P3H3: variants seen among roughly 807,000 people sequenced by gnomAD.
P3H3 encodes the protein prolyl 3-hydroxylase 3, also known as gene rich cluster, B.
Under a neutral mutation model 78.1 loss-of-function variants are expected in P3H3, and 64 were observed. The observed-to-expected ratio is 0.82, with a 90% CI of 0.67 to 1.01. The LOEUF (loss-of-function observed/expected upper bound fraction) is 1.01. P3H3 is among the 50% of genes least tolerant of loss of function. The probability of loss-of-function intolerance (pLI) is 0.00; values close to 1 mark genes in which losing one functional copy is unlikely to be tolerated. For synonymous variants in P3H3, 425 were observed against 416.7 expected (o/e 1.02, Z -0.24); for missense variants, 975 against 982.2 (o/e 0.99, Z 0.10).
In P3H3 at chr12:6,830,551, G is replaced by T. The variant is rs782745900; in HGVS notation, c.850G>T (p.Ala284Ser). The T allele has an allele frequency of 1.9e-6, 3 of 1,573,182 alleles. No individual in the cohort carries two copies. The highest frequency in any genetic ancestry group is 2.7e-5 in the African/African-American group (2 of 73,918). The change falls in exon 3 of 15, where the codon GCA (alanine) becomes TCA (serine). Residue 284 changes from alanine to serine, a missense_variant. By Grantham distance (99) the Ala-to-Ser change is moderately conservative. Coordinates refer to ENST00000290510, the MANE Select transcript of P3H3 (RefSeq NM_014262.5). ...CCAGGGGGGCCTCTATGAGGCCATTGCAGGTAAGGGTCCCGTGTGTGAGGG... is the reference window on the plus strand; with the variant it reads ...CCAGGGGGGCCTCTATGAGGCCATTTCAGGTAAGGGTCCCGTGTGTGAGGG... The part of the protein sequence containing the change: ...ASQGGLYEAI[A>S]GHWIQVLQCR...
Position 6,837,850 on chromosome 12 carries a change from G to A in P3H3, c.1829+1G>A. 6.2e-7 allele frequency: 1 copy of A among 1,607,986 alleles called. No individual in the cohort carries two copies. Among genetic ancestry groups the A allele is most frequent in the Non-Finnish European group, 8.5e-7 (1 of 1,177,316 alleles). ...CAGCCTACACCTATCGGGACTACAG[G>A]TGGGCAGCCCCTCTAGTGGTCAGGC... On this transcript the variant is annotated splice_donor_variant, in intron 12 of 14. Transcript: ENST00000290510. LOFTEE classifies it high-confidence loss of function.
chr12:6,838,423 A>G (rs1943523681), intron 13 of P3H3, among the ~76,000 whole-genome samples: 1 of 152,198 alleles, frequency 6.6e-6, no homozygotes, highest in Admixed American at 6.5e-5. Context: ...TCTGAGGTTT[A>G]GTTTCCTAGA....
chr12:6,836,945 G>A, intron 9 of P3H3, 40 bp from the exon 10 acceptor site: 1 of 1,489,432 alleles, frequency 6.7e-7, no homozygotes, highest in Non-Finnish European at 9.3e-7. Context: ...ACAGTGAGGG[G>A]CTGGGGGAGT....
At position 6,833,759 on chromosome 12, in the gene P3H3, G is replaced by A. The variant is rs782726082; in HGVS notation, c.1283G>A (p.Arg428Lys). Reference sequence around the variant, plus strand: ...CCCCTGAGAGAGGATCAAGAGAAGAGGCCTTGGGACCATGAGCCCGTGAAG... The same window carrying A: ...CCCCTGAGAGAGGATCAAGAGAAGAAGCCTTGGGACCATGAGCCCGTGAAG... ...REKLREDQEK[R>K]PWDHEPVKPK... The change falls in exon 8 of 15, where the codon AGG becomes AAG. Residue 428 changes from arginine (R) to lysine (K), a missense_variant. Coordinates refer to ENST00000290510, the MANE Select transcript of P3H3 (RefSeq NM_014262.5). 1 of 1,610,768 alleles carries A rather than the reference G, an allele frequency of 6.2e-7. No homozygotes were observed. Among genetic ancestry groups the A allele is most frequent in the Non-Finnish European group, 8.5e-7 (1 of 1,176,972 alleles).
Position 6,837,043 on chromosome 12 carries a change from C to A in P3H3, c.1517C>A (p.Pro506His). 2 of 1,608,102 alleles carry A rather than the reference C, an allele frequency of 1.2e-6. No homozygotes were observed. Among genetic ancestry groups the A allele is most frequent in the Middle Eastern group, 1.7e-4 (1 of 6,060 alleles). The stretch of plus-strand genomic sequence containing the variant: ...CGTGGTCGCCGCTCCCCTCACACCC[C>A]CCATGAACGCTTCGAGGGGCTCACG... ...GYRGRRSPHT[P>H]HERFEGLTVL... The change falls in exon 10 of 15, where the codon CCC (proline) becomes CAC (histidine). Residue 506 changes from proline (P) to histidine (H), a missense_variant. Physicochemically the swap from Pro to His is moderately conservative, Grantham distance 77. Transcript: ENST00000290510.
chr12:6,831,273 A>T lies in P3H3; in HGVS notation c.1043A>T (p.Glu348Val). The T allele has an allele frequency of 1.2e-6, 2 of 1,613,806 alleles. No homozygotes were observed. The highest frequency in any genetic ancestry group is 1.7e-6 in the Non-Finnish European group (2 of 1,179,818). ...NVLSVLLFYP[E>V]DEAAKRALNQ... ...CTGAGTGTCCTGCTCTTCTACCCGG[A>T]GGATGAGGCTGCCAAGAGGGCTCTG... is the stretch of plus-strand genomic sequence containing the variant. The change falls in exon 5 of 15, where the codon GAG becomes GTG. Residue 348 changes from glutamate to valine, a missense_variant. Transcript: ENST00000290510. The surrounding 1 kb of genome is among the most constrained non-coding windows in gnomAD (Gnocchi z 4.6).
chr12:6,832,929 G>A (rs781982185), intron 6 of P3H3, among the ~76,000 whole-genome samples: 1 of 148,084 alleles, frequency 6.8e-6, no homozygotes, highest in South Asian at 2.1e-4. Flanking sequence ...ACCTAACGCT[G>A]CTTTGGGAGG....
intron 9 of P3H3, among the ~76,000 whole-genome samples, chr12:6,834,377 A>T (rs1239184343): frequency 6.6e-6 from 1 of 152,328 alleles, no homozygotes; most frequent in East Asian, 1.9e-4. Flanking sequence ...CTCAGCAGAC[A>T]CGCAGGCCTT....
At chr12:6,838,169 C>T in intron 13 of P3H3, 136 bp downstream of exon 13, 1 of 1,149,494 alleles carries the variant, frequency 8.7e-7, no homozygotes, top group Non-Finnish European at 1.2e-6. Context: ...CCTCCGCAGC[C>T]CTCCCGCTGC....
chr12:6,830,696 G>A lies in P3H3; in HGVS notation c.911G>A (p.Arg304His), dbSNP rs375119481. 38 of 1,613,654 alleles carry A rather than the reference G, an allele frequency of 2.4e-5. No homozygotes were observed. The highest frequency in any genetic ancestry group is 3.1e-5 in the Non-Finnish European group (36 of 1,179,808). Reference protein sequence around the residue: ...RQRCVGETATRPGRSFPVPDF... With the variant: ...RQRCVGETATHPGRSFPVPDF... Reference sequence around the variant, plus strand: ...CGCTGTGTGGGGGAAACAGCCACACGCCCTGGTCGCAGCTTCCCTGTCCCA... The same window carrying A: ...CGCTGTGTGGGGGAAACAGCCACACACCCTGGTCGCAGCTTCCCTGTCCCA... Residue 304 changes from arginine to histidine, a missense_variant, in exon 4 of 15, where the codon CGC (arginine) becomes CAC (histidine). By Grantham distance (29) the Arg-to-His change is conservative (BLOSUM62 0). Transcript: ENST00000290510.
chr12:6,831,450 C>T lies in P3H3; in HGVS notation c.1122+98C>T, dbSNP rs1250760426. The T allele has an allele frequency of 2.2e-5, 33 of 1,510,854 alleles. No individual in the cohort carries two copies. The highest frequency in any genetic ancestry group is 1.7e-4 in the East Asian group (7 of 41,878). 93.6% of individuals were successfully genotyped at this position (1,510,854 alleles called of 1,614,324 possible). On this transcript the variant is annotated intron_variant, in intron 5 of 14. Transcript: ENST00000290510. The surrounding 1 kb of genome is among the most constrained non-coding windows in gnomAD (Gnocchi z 4.6). ...CCCCACCCCCCGCTGGCCTCTTACCCGAGCACTCTAGTCACCCAAAGGACT... is the reference window on the plus strand; with the variant it reads ...CCCCACCCCCCGCTGGCCTCTTACCTGAGCACTCTAGTCACCCAAAGGACT...
Position 6,830,780 on chromosome 12 carries a change from G to C in P3H3, c.985+10G>C, listed in dbSNP as rs1368751887. 6.2e-7 allele frequency: 1 copy of C among 1,613,924 alleles called. No homozygotes were observed. Among genetic ancestry groups the C allele is most frequent in the East Asian group, 2.2e-5 (1 of 44,892 alleles). On this transcript the variant is annotated intron_variant, in intron 4 of 14. Coordinates refer to ENST00000290510, the MANE Select transcript of P3H3 (RefSeq NM_014262.5). Reference sequence around the variant, plus strand: ...GAGGCCCATGCTCAGGGTCAGTTGGGGAAGGGTGGAAACGGGGAGTGAAGA... The same window carrying C: ...GAGGCCCATGCTCAGGGTCAGTTGGCGAAGGGTGGAAACGGGGAGTGAAGA...
At chr12:6,836,908 CGGAG>C in intron 9 of P3H3, 73 bp from the exon 10 acceptor site, 1 of 1,051,018 alleles carries the variant, frequency 9.5e-7, no homozygotes, top group Non-Finnish European at 1.4e-6. Flanking sequence ...GCGGGAGGGC[CGGAG>C]GGAGGGTCTT....
intron 13 of P3H3, among the ~76,000 whole-genome samples, chr12:6,838,772 G>A (rs1943527037): frequency 3.3e-5 from 5 of 152,190 alleles, no homozygotes; most frequent in Middle Eastern, 3.2e-3. Context: ...GAGACCATCC[G>A]TGGAGACCCC....
In P3H3 at chr12:6,837,501, CA is replaced by C; in HGVS notation, c.1640del (p.Gln547ArgfsTer23). The stretch of plus-strand genomic sequence containing the variant: ...GAGCGAGCGGGTGCGGACCTTGACC[CA>C]GGCCTACTTCTCCCCGGAACGGCCC... ...EVSERVRTLT[Q>X]AYFSPERPLH... On this transcript the variant is annotated frameshift_variant, in exon 11 of 15. Transcript: ENST00000290510. LOFTEE classifies it high-confidence loss of function. 2 of 1,611,834 alleles carry C rather than the reference CA, an allele frequency of 1.2e-6. No individual in the cohort carries two copies. Among genetic ancestry groups the C allele is most frequent in the Non-Finnish European group, 1.7e-6 (2 of 1,179,084 alleles).
At chr12:6,837,236 T>C (rs1943507512) in intron 10 of P3H3, 150 bp downstream of exon 10, 3 of 998,520 alleles carry the variant, frequency 3.0e-6, no homozygotes, top group African/African-American at 3.2e-5. Context: ...AAAAGGGATG[T>C]TCTGAGAGCT....
chr12:6,839,001 C>G lies in P3H3; in HGVS notation c.1907C>G (p.Ala636Gly). The G allele has an allele frequency of 6.3e-7, 1 of 1,591,200 alleles. No individual in the cohort carries two copies. ...FTEPNALTVT[A>G]RVRPRCGRLV... is the part of the protein sequence containing the mutation. ...CTGAACCTGCCCTCATCCCTCCAGG[C>G]TCGGGTGCGTCCTCGCTGTGGGCGC... The change falls in exon 14 of 15, where the codon GCT becomes GGT. Residue 636 changes from alanine to glycine, a missense_variant and splice_region_variant. By Grantham distance (60) the Ala-to-Gly change is moderately conservative (BLOSUM62 0). Transcript: ENST00000290510.
Position 6,828,715 on chromosome 12 carries a change from T to C in P3H3, c.275T>C (p.Val92Ala). ...GATCCGGGCGCCGCGCTCCCCGCCG[T>C]GCTTCTCGGGGCCCCGGAGCCCGAC... ...AADPGAALPA[V>A]LLGAPEPDSG... Residue 92 changes from valine (V) to alanine (A), a missense_variant, in exon 1 of 15, where the codon GTG becomes GCG. By Grantham distance (64) the Val-to-Ala change is moderately conservative (BLOSUM62 0). Transcript: ENST00000290510. 8.0e-7 allele frequency: 1 copy of C among 1,247,214 alleles called. No individual in the cohort carries two copies. The highest frequency in any genetic ancestry group is 1.0e-6 in the Non-Finnish European group (1 of 996,638). 77.3% of individuals were successfully genotyped at this position (1,247,214 alleles called of 1,614,324 possible).
chr12:6,833,654 G>A lies in P3H3; in HGVS notation c.1265+10G>A. The A allele has an allele frequency of 1.2e-6, 2 of 1,613,468 alleles. No individual in the cohort carries two copies. Among genetic ancestry groups the A allele is most frequent in the Non-Finnish European group, 1.7e-6 (2 of 1,179,472 alleles). On this transcript the variant is annotated intron_variant, in intron 7 of 14. Transcript: ENST00000290510. ...TTAGAGAAAAGCTCAGGTAGGATAT[G>A]CCCCATGGTGGGAGGGGCTTGGCCC...
Sources: allele counts gnomAD v4.1 joint callset (sites outside exome capture counted in the v4.1 genomes callset), GRCh38; gene constraint gnomAD v4.1.1; non-coding constraint Gnocchi (gnomAD v3.1); transcripts MANE v1.5; gene names NCBI Gene and HGNC (gene_info 2026-07-23, HGNC 2026-07-21).